ASCC3: variants seen among roughly 807,000 people sequenced by gnomAD.
ASCC3 encodes activating signal cointegrator 1 complex subunit 3, also known as ASC-1 complex subunit P200.
In ASCC3, 158 loss-of-function variants were observed where a neutral mutation model predicts 256.3. The ratio of observed to expected loss-of-function variants is 0.62; its 90% CI spans 0.54 to 0.70. The LOEUF (loss-of-function observed/expected upper bound fraction) is 0.70, where lower values mean the gene tolerates loss of function less well. Among genes scored for constraint, ASCC3 ranks in the 30% least tolerant of loss-of-function variants. The pLI is 0.00. For synonymous variants in ASCC3, 948 were observed against 883.4 expected, an observed-to-expected ratio of 1.07 and a Z score of -1.30; for missense variants, 2,259 against 2,626.0, an observed-to-expected ratio of 0.86 and a Z score of 3.05.
At chr6:100,858,854 T>C (rs1773084849) in intron 3 of ASCC3, 2 of 504,352 alleles carry the variant, frequency 4.0e-6, no homozygotes, top group Non-Finnish European at 6.6e-6. Flanking sequence ...GCCCCAAAAA[T>C]ACGTAATTTT....
In ASCC3 at chr6:100,606,981, T is replaced by C. The variant is rs765919387; in HGVS notation, c.4893A>G (p.Val1631=). 3 of 1,613,738 alleles carry C rather than the reference T, an allele frequency of 1.9e-6. No individual in the cohort carries two copies. In the South Asian group the frequency reaches 3.3e-5, roughly 18 times the overall value. Residue 1631 remains valine (V), a synonymous_variant, in exon 31 of 42, where the codon GTA becomes GTG. Coordinates refer to ENST00000369162, the MANE Select transcript of ASCC3 (RefSeq NM_006828.4). ...CTTTACAGTTTACAAATAGTTCCTC[T>C]ACTGTTTTTCGGTCCCTCTCATGTA... ...AGLHERDRKT[V]EELFVNCKVQ... is the part of the protein sequence containing the mutation.
At position 100,509,458 on chromosome 6, in the gene ASCC3, A is replaced by G. The variant is rs1234017829; in HGVS notation, c.6537T>C (p.Val2179=). 1.9e-6 allele frequency: 3 copies of G among 1,614,120 alleles called. No individual in the cohort carries two copies. Among genetic ancestry groups the G allele is most frequent in the Non-Finnish European group, 2.5e-6 (3 of 1,180,048 alleles). Reference sequence around the variant, plus strand: ...CCTGTGCAGAAAGACTCGCTTGTGTAACGTTGAGATAGATGTCATACTGCT... The same window carrying G: ...CCTGTGCAGAAAGACTCGCTTGTGTGACGTTGAGATAGATGTCATACTGCT... ...LDQQYDIYLN[V]TQASLSAQVN... Residue 2179 remains valine, a synonymous_variant, in exon 42 of 42, where the codon GTT becomes GTC. Transcript: ENST00000369162.
intron 37 of ASCC3, chr6:100,530,864 G>A: frequency 7.8e-7 from 1 of 1,283,978 alleles, no homozygotes; most frequent in Non-Finnish European, 1.1e-6. Flanking sequence ...TAGACTTATG[G>A]AATAAATTTT....
intron 11 of ASCC3, among the ~76,000 whole-genome samples, chr6:100,720,005 A>G (rs1779251264): frequency 6.6e-6 from 1 of 151,966 alleles, no homozygotes; most frequent in South Asian, 2.1e-4. Flanking sequence ...AACAAAATCT[A>G]CATTGCCTTC....
chr6:100,812,741 G>A lies in ASCC3; in HGVS notation c.802-6861C>T, dbSNP rs558358471. Among the ~76,000 whole-genome samples, 11 of 152,176 alleles carry A rather than the reference G, an allele frequency of 7.2e-5. No homozygotes were observed. The South Asian group carries it at 2.3e-3, about 32-fold the overall frequency. ...GGCCAGTAGTTAGAGACCAGCCTGG[G>A]CAACATAGCAAGACTCCGTCTCTCC... On this transcript the variant is annotated intron_variant, in intron 4 of 41. Transcript: ENST00000369162.
At chr6:100,837,806 T>C (rs1202570963) in intron 4 of ASCC3, among the ~76,000 whole-genome samples, 1 of 152,052 alleles carries the variant, frequency 6.6e-6, no homozygotes, top group African/African-American at 2.4e-5. Flanking sequence ...GAATAAGTTA[T>C]GGCCTATCTA....
intron 36 of ASCC3, among the ~76,000 whole-genome samples, chr6:100,589,167 G>T (rs1562144214): frequency 6.6e-6 from 1 of 152,090 alleles, no homozygotes; most frequent in Admixed American, 6.6e-5. Context: ...TTTGGTAAGG[G>T]TGTTTGTGGG....
chr6:100,587,761 T>C (rs1562142888), intron 36 of ASCC3, among the ~76,000 whole-genome samples: 1 of 152,192 alleles, frequency 6.6e-6, no homozygotes, highest in African/African-American at 2.4e-5. Flanking sequence ...TATACCGGCA[T>C]AACTGGTTTT....
intron 13 of ASCC3, among the ~76,000 whole-genome samples, chr6:100,699,558 G>T (rs1778254070): frequency 6.6e-6 from 1 of 151,410 alleles, no homozygotes; most frequent in African/African-American, 2.4e-5. Context: ...CTACTGAAAA[G>T]ATACTCAAAA....
rs1243933407 is a variant in ASCC3, at chr6:100,725,707, T to C, written c.1738-4A>G. The C allele has an allele frequency of 1.2e-6, 2 of 1,612,168 alleles. No individual in the cohort carries two copies. The highest frequency in any genetic ancestry group is 1.3e-5 in the African/African-American group (1 of 74,938). ...TTTCTGGTGTGGTCACAAGCATCTA[T>C]AAGAGAAGACACATTTTAAAAGGGG... On this transcript the variant is annotated splice_polypyrimidine_tract_variant and splice_region_variant and intron_variant, in intron 10 of 41. Transcript: ENST00000369162.
chr6:100,651,873 G>A (rs1272036063), intron 18 of ASCC3, among the ~76,000 whole-genome samples: 1 of 151,786 alleles, frequency 6.6e-6, no homozygotes, highest in Admixed American at 6.6e-5. Flanking sequence ...ATCTTTAGCA[G>A]CAAAAAGATG....
At chr6:100,694,135 T>A (rs1176154941) in intron 13 of ASCC3, among the ~76,000 whole-genome samples, 6 of 151,868 alleles carry the variant, frequency 4.0e-5, no homozygotes. Flanking sequence ...TTTTCCTGAA[T>A]AATATTTTTG....
At chr6:100,854,895 A>G (rs1049581127) in intron 3 of ASCC3, among the ~76,000 whole-genome samples, 7 of 152,200 alleles carry the variant, frequency 4.6e-5, no homozygotes, top group Admixed American at 2.6e-4. Context: ...AAGGAAAAAC[A>G]AACAAAAAAG....
At position 100,644,081 on chromosome 6, in the gene ASCC3, T is replaced by C. The variant is rs745888626; in HGVS notation, c.3682A>G (p.Thr1228Ala). The stretch of plus-strand genomic sequence containing the variant: ...TCTGAATGATAAATATGATCATTTG[T>C]AGGATCTTCTACCCAAATCCACCAA... ...EPWWIWVEDP[T>A]NDHIYHSEYF... The change falls in exon 23 of 42, where the codon ACA (threonine) becomes GCA (alanine). Residue 1228 changes from threonine to alanine, a missense_variant. By Grantham distance (58) the Thr-to-Ala change is moderately conservative. Transcript: ENST00000369162. 1 of 1,613,024 alleles carries C rather than the reference T, an allele frequency of 6.2e-7. No homozygotes were observed. Among genetic ancestry groups the C allele is most frequent in the Non-Finnish European group, 8.5e-7 (1 of 1,179,382 alleles).
At chr6:100,538,558 TA>T (rs1243164115) in intron 37 of ASCC3, among the ~76,000 whole-genome samples, 1 of 152,116 alleles carries the variant, frequency 6.6e-6, no homozygotes, top group Non-Finnish European at 1.5e-5. Context: ...AGAAAAAAAT[TA>T]AAAATCACCC....
At chr6:100,597,311 C>A (rs1405722366) in intron 34 of ASCC3, among the ~76,000 whole-genome samples, 1 of 152,070 alleles carries the variant, frequency 6.6e-6, no homozygotes, top group Non-Finnish European at 1.5e-5. Flanking sequence ...ACTAATACAT[C>A]TTCAAAGTGG....
intron 36 of ASCC3, among the ~76,000 whole-genome samples, chr6:100,575,094 G>T (rs1562129934): frequency 1.3e-5 from 2 of 152,040 alleles, no homozygotes; most frequent in African/African-American, 4.8e-5. Context: ...AAGAGTAGCA[G>T]ATGGGATCCT....
intron 40 of ASCC3, among the ~76,000 whole-genome samples, chr6:100,511,272 G>T (rs1338096405): frequency 6.6e-6 from 1 of 152,018 alleles, no homozygotes; most frequent in Non-Finnish European, 1.5e-5. Context: ...CAAAAAATTA[G>T]CTGGGTATGG....
intron 11 of ASCC3, among the ~76,000 whole-genome samples, chr6:100,724,529 G>C (rs1779530767): frequency 6.6e-6 from 1 of 151,822 alleles, no homozygotes; most frequent in Non-Finnish European, 1.5e-5. Context: ...AGAACTTAAA[G>C]ACATAGGAGA....
Sources: allele counts gnomAD v4.1 joint callset (sites outside exome capture counted in the v4.1 genomes callset), GRCh38; gene constraint gnomAD v4.1.1; transcripts MANE v1.5; gene names NCBI Gene and HGNC (gene_info 2026-07-23, HGNC 2026-07-21).